ADARB2: variants seen among roughly 807,000 people sequenced by gnomAD.
The protein encoded by ADARB2 is adenosine deaminase RNA specific B2 (inactive), also known as inactive double-stranded RNA-specific editase B2.
Under a neutral mutation model 62.2 loss-of-function variants are expected in ADARB2, and 25 were observed. The ratio of observed to expected loss-of-function variants is 0.40; its 90% CI spans 0.29 to 0.56. ADARB2 has a LOEUF of 0.56. ADARB2 is among the 20% of genes least tolerant of loss of function. The pLI, the probability that ADARB2 is intolerant of heterozygous loss-of-function variation, is 0.43. For missense variants in ADARB2, 1,071 were observed against 1,077.4 expected (o/e 0.99, Z 0.08); for synonymous variants, 572 against 500.8 (o/e 1.14, Z -1.90).
chr10:1,416,156 G>T (rs1832799383), intron 1 of ADARB2, among the ~76,000 whole-genome samples: 1 of 152,184 alleles, frequency 6.6e-6, no homozygotes, highest in African/African-American at 2.4e-5. Flanking sequence ...TAGATGGACT[G>T]GTCTGTGAAT....
intron 3 of ADARB2, among the ~76,000 whole-genome samples, chr10:1,297,313 G>A (rs1330623546): frequency 6.6e-6 from 1 of 152,182 alleles, no homozygotes; most frequent in African/African-American, 2.4e-5. Flanking sequence ...CAGGTGTTAT[G>A]TTTCTTCACT....
chr10:1,343,856 T>C (rs905798708), intron 3 of ADARB2, among the ~76,000 whole-genome samples: 3 of 152,104 alleles, frequency 2.0e-5, no homozygotes, highest in Admixed American at 1.3e-4. Flanking sequence ...GAGCAACAGA[T>C]ACTGGGAACT....
intron 1 of ADARB2, among the ~76,000 whole-genome samples, chr10:1,560,684 C>T (rs1016289193): frequency 6.7e-6 from 1 of 149,004 alleles, no homozygotes; most frequent in South Asian, 2.1e-4. Context: ...TCAGGACAGG[C>T]AGAAAAAGCC....
chr10:1,647,587 T>C (rs1834060108), intron 1 of ADARB2, among the ~76,000 whole-genome samples: 1 of 152,014 alleles, frequency 6.6e-6, no homozygotes, highest in South Asian at 2.1e-4. Flanking sequence ...GTGTGTATAG[T>C]GTGTGTATAT....
intron 1 of ADARB2, among the ~76,000 whole-genome samples, chr10:1,615,996 C>A (rs188413179): frequency 1.5e-3 from 228 of 152,346 alleles, no homozygotes; most frequent in African/African-American, 5.2e-3. Flanking sequence ...GATCACCCCA[C>A]CTGTCAAACC....
chr10:1,645,256 G>A (rs1834024798), intron 1 of ADARB2, among the ~76,000 whole-genome samples: 1 of 152,206 alleles, frequency 6.6e-6, no homozygotes, highest in Non-Finnish European at 1.5e-5. Flanking sequence ...CGCATGCATG[G>A]CTATGGTACA....
At chr10:1,519,349 G>A (rs1338188744) in intron 1 of ADARB2, among the ~76,000 whole-genome samples, 1 of 152,188 alleles carries the variant, frequency 6.6e-6, no homozygotes, top group Non-Finnish European at 1.5e-5. Context: ...TGTACATGGT[G>A]TGGTCATACA....
At chr10:1,183,653 C>T (rs1836710758) in intron 9 of ADARB2, among the ~76,000 whole-genome samples, 1 of 152,158 alleles carries the variant, frequency 6.6e-6, no homozygotes, top group Non-Finnish European at 1.5e-5. Flanking sequence ...GGGTTGGGGA[C>T]AGAGGGGGAC....
At chr10:1,261,614 C>G (rs1214273018) in intron 4 of ADARB2, among the ~76,000 whole-genome samples, 4 of 148,682 alleles carry the variant, frequency 2.7e-5, no homozygotes, top group African/African-American at 5.2e-5. Context: ...CATCTCACAC[C>G]AGGCAATCAT....
chr10:1,234,063 T>G lies in ADARB2; in HGVS notation c.1362-218A>C, dbSNP rs561601922. Among the ~76,000 whole-genome samples, 27 of 147,368 alleles carry G rather than the reference T, an allele frequency of 1.8e-4. 1 individual carries two copies. The highest frequency in any genetic ancestry group is 6.7e-4 in the African/African-American group (27 of 40,008). ...TTTGCTCACTGCAACCTCCACCCAC[T>G]GAGTTCAAGCAATTCTTCTGCCTTG... On this transcript the variant is annotated intron_variant, in intron 5 of 9. Transcript: ENST00000381312.
chr10:1,271,758 G>A (rs941322549), intron 3 of ADARB2, among the ~76,000 whole-genome samples: 1 of 152,166 alleles, frequency 6.6e-6, no homozygotes, highest in African/African-American at 2.4e-5. Context: ...CTCTGTGGCC[G>A]CCCTTTCCCC....
At chr10:1,637,568 C>T (rs1337736474) in intron 1 of ADARB2, among the ~76,000 whole-genome samples, 4 of 152,138 alleles carry the variant, frequency 2.6e-5, no homozygotes, top group Non-Finnish European at 5.9e-5. Flanking sequence ...GTTCCTTGAT[C>T]CTAAGAAGTT....
At chr10:1,448,691 A>C (rs895436672) in intron 1 of ADARB2, among the ~76,000 whole-genome samples, 33 of 152,156 alleles carry the variant, frequency 2.2e-4, no homozygotes, top group African/African-American at 7.5e-4. Context: ...CAGACATGTA[A>C]GTTTCCCTCA....
intron 5 of ADARB2, among the ~76,000 whole-genome samples, chr10:1,234,498 T>C (rs1447070270): frequency 6.6e-6 from 1 of 151,930 alleles, no homozygotes; most frequent in Admixed American, 6.6e-5. Context: ...TGGAGTGCAG[T>C]AGCGTGATCA....
At chr10:1,303,289 T>C (rs1488382740) in intron 3 of ADARB2, among the ~76,000 whole-genome samples, 2 of 151,662 alleles carry the variant, frequency 1.3e-5, no homozygotes, top group Non-Finnish European at 2.9e-5. Flanking sequence ...CAATGGAAGA[T>C]GAAATGAATG....
At chr10:1,719,156 G>A (rs989472999) in intron 1 of ADARB2, among the ~76,000 whole-genome samples, 19 of 152,016 alleles carry the variant, frequency 1.2e-4, no homozygotes, top group African/African-American at 4.1e-4. Flanking sequence ...TAGAAACAGG[G>A]TTTCACCATG....
At chr10:1,673,667 C>A (rs976894636) in intron 1 of ADARB2, among the ~76,000 whole-genome samples, 4 of 152,170 alleles carry the variant, frequency 2.6e-5, no homozygotes, top group African/African-American at 7.2e-5. Flanking sequence ...CGGATCATAA[C>A]GATGACGAAG....
rs560981156 is a variant in ADARB2 at position 1,485,338 on chromosome 10, G to A, written c.101-106178C>T. Among the ~76,000 whole-genome samples the A allele has an allele frequency of 2.6e-5, 4 of 152,202 alleles. No homozygotes were observed. In the East Asian group the frequency reaches 7.7e-4, roughly 29 times the overall value. ...TGTAGGTGCACTTGTGAGCATGTGT[G>A]TACATATACAGATGTGTAGGTAGAT... On this transcript the variant is annotated intron_variant, in intron 1 of 9. Transcript: ENST00000381312.
At chr10:1,295,544 C>A (rs1200149518) in intron 3 of ADARB2, among the ~76,000 whole-genome samples, 1 of 152,002 alleles carries the variant, frequency 6.6e-6, no homozygotes, top group East Asian at 1.9e-4. Flanking sequence ...ACCCTGAGTG[C>A]CGCTCTCTCT....
Sources: gnomAD v4.1 joint callset for allele counts (sites outside exome capture counted in the v4.1 genomes callset) on GRCh38, gnomAD v4.1.1 for gene constraint, MANE v1.5 for transcripts, NCBI Gene and HGNC (gene_info 2026-07-23, HGNC 2026-07-21) for gene names.